RPL11: variants seen among roughly 807,000 people sequenced by gnomAD.
RPL11 encodes large ribosomal subunit protein uL5.
A neutral mutation model predicts 24.1 loss-of-function variants in RPL11; 3 were observed. That is an observed-to-expected ratio of 0.12 (90% CI 0.06 to 0.32). RPL11 has a LOEUF of 0.32. RPL11 is among the 10% of genes least tolerant of loss of function. The pLI, the probability that RPL11 is intolerant of heterozygous loss-of-function variation, is 1.00. For synonymous variants in RPL11, 96 were observed against 75.7 expected (o/e 1.27, Z -1.39); for missense variants, 146 against 225.7 (o/e 0.65, Z 2.26).
chr1:23,693,749 G>T, intron 2 of RPL11, 58 bp from the exon 3 acceptor site: 1 of 1,121,082 alleles, frequency 8.9e-7, no homozygotes, highest in Middle Eastern at 2.0e-4. Context: ...TTCTGGGAAA[G>T]AGGTGAGTGT....
At chr1:23,694,121 A>G (rs993507188) in intron 3 of RPL11, among the ~76,000 whole-genome samples, 1 of 152,156 alleles carries the variant, frequency 6.6e-6, no homozygotes, top group African/African-American at 2.4e-5. Context: ...AACGCCTGTA[A>G]TCCCAACACT....
At position 23,693,891 on chromosome 1, in the gene RPL11, A is replaced by C. The variant is rs1361833346; in HGVS notation, c.242A>C (p.Glu81Ala). 6.2e-7 allele frequency: 1 copy of C among 1,614,042 alleles called. No homozygotes were observed. The highest frequency in any genetic ancestry group is 8.5e-7 in the Non-Finnish European group (1 of 1,180,002). ...HCTVRGAKAE[E>A]ILEKGLKVRE... is the part of the protein sequence containing the mutation. ...ACAGTTCGAGGGGCCAAGGCAGAAG[A>C]AATCTTGGAGAAGGGTCTAAAGGTG... The change falls in exon 3 of 6, where the codon GAA becomes GCA. Residue 81 changes from glutamate to alanine, a missense_variant. Transcript: ENST00000643754.
chr1:23,695,943 T>C, intron 5 of RPL11, 35 bp downstream of exon 5: 1 of 1,545,282 alleles, frequency 6.5e-7, no homozygotes, highest in Non-Finnish European at 8.8e-7. Flanking sequence ...AGTGGTGGAA[T>C]GTGATGTTGG....
At chr1:23,695,070 A>G (rs1644525424) in intron 4 of RPL11, 11 of 468,898 alleles carry the variant, frequency 2.3e-5, no homozygotes, top group Non-Finnish European at 4.3e-5. Flanking sequence ...TGTTCCCTCC[A>G]GCCAGTGATT....
At position 23,694,679 on chromosome 1, in the gene RPL11, G is replaced by T; in HGVS notation, c.284G>T (p.Arg95Ile). The change falls in exon 4 of 6, where the codon AGA (arginine) becomes ATA (isoleucine). Residue 95 changes from arginine to isoleucine, a missense_variant. Coordinates refer to ENST00000643754, the MANE Select transcript of RPL11 (RefSeq NM_000975.5). Reference protein sequence around the residue: ...KGLKVREYELRKNNFSDTGNF... With the variant: ...KGLKVREYELIKNNFSDTGNF... The stretch of plus-strand genomic sequence containing the variant: ...CCACAGGTGCGGGAGTATGAGTTAA[G>T]AAAAAACAACTTCTCAGATACTGGA... 1 of 1,613,954 alleles carries T rather than the reference G, an allele frequency of 6.2e-7. No individual in the cohort carries two copies.
In RPL11 at chr1:23,694,378, C is replaced by CA. The variant is rs151292002; in HGVS notation, c.265-270dup. On this transcript the variant is annotated intron_variant, in intron 3 of 5. Coordinates refer to ENST00000643754, the MANE Select transcript of RPL11 (RefSeq NM_000975.5). Reference sequence around the variant, plus strand: ...AGGCCACAGAGTGAGACTCTTGTCTCAAAAAAAAAAAAGAAAAAGGATGCT... The same window carrying CA: ...AGGCCACAGAGTGAGACTCTTGTCTCAAAAAAAAAAAAAGAAAAAGGATGCT... Among the ~76,000 whole-genome samples the CA allele has an allele frequency of 5.1e-3, 691 of 134,328 alleles. 4 individuals are homozygous for CA. The highest frequency in any genetic ancestry group is 0.014 in the African/African-American group (496 of 36,560). 88.1% of individuals were successfully genotyped at this position (134,328 alleles called of 152,430 possible).
At position 23,692,655 on chromosome 1, in the gene RPL11, G is replaced by A. The variant is rs867038153; in HGVS notation, c.53G>A (p.Arg18His). ...AACCCCATGCGGGAACTTCGCATCC[G>A]CAAACTCTGTCTCAACATCTGTGTT... ...KENPMRELRI[R>H]KLCLNICVGE... The change falls in exon 2 of 6, where the codon CGC (arginine) becomes CAC (histidine). Residue 18 changes from arginine (R) to histidine (H), a missense_variant. Physicochemically the swap from Arg to His is conservative, Grantham distance 29 (BLOSUM62 0). Coordinates refer to ENST00000643754, the MANE Select transcript of RPL11 (RefSeq NM_000975.5). 1.9e-6 allele frequency: 3 copies of A among 1,614,130 alleles called. No homozygotes were observed. The highest frequency in any genetic ancestry group is 2.5e-6 in the Non-Finnish European group (3 of 1,180,028).
intron 2 of RPL11, among the ~76,000 whole-genome samples, chr1:23,693,231 ACT>A (rs998639505): frequency 1.3e-5 from 2 of 152,050 alleles, no homozygotes; most frequent in Admixed American, 1.3e-4. Context: ...TGCTGGTCTG[ACT>A]CTGGGCTCTC....
upstream of RPL11, chr1:23,691,793 G>A (rs754115804): frequency 5.0e-6 from 8 of 1,614,118 alleles, no homozygotes; most frequent in Middle Eastern, 3.3e-4. Context: ...CCCTCGGCCG[G>A]AAGCTCCGCT....
chr1:23,695,679 C>T (rs116329087), intron 4 of RPL11, 119 bp from the exon 5 acceptor site: 2 of 907,716 alleles, frequency 2.2e-6, no homozygotes, highest in African/African-American at 1.6e-5. Context: ...ATGGGTCTTG[C>T]TCCAGAATCC....
At chr1:23,693,110 G>A (rs1644511779) in intron 2 of RPL11, among the ~76,000 whole-genome samples, 1 of 152,144 alleles carries the variant, frequency 6.6e-6, no homozygotes, top group Non-Finnish European at 1.5e-5. Flanking sequence ...GGGCTGTACG[G>A]GAGCATGAGG....
In RPL11 at chr1:23,692,619, G is replaced by T. The variant is rs377575545; in HGVS notation, c.17G>T (p.Gly6Val). MAQDQ[G>V]EKENPMRELR... ...TCTTCCCTGTTGCAGCAGGATCAAG[G>T]TGAAAAGGAGAACCCCATGCGGGAA... The change falls in exon 2 of 6, where the codon GGT becomes GTT. Residue 6 changes from glycine (G) to valine (V), a missense_variant. Physicochemically the swap from Gly to Val is moderately radical, Grantham distance 109. Coordinates refer to ENST00000643754, the MANE Select transcript of RPL11 (RefSeq NM_000975.5). 6.2e-7 allele frequency: 1 copy of T among 1,614,166 alleles called. No homozygotes were observed. The highest frequency in any genetic ancestry group is 1.1e-5 in the South Asian group (1 of 91,082).
chr1:23,695,341 C>A, intron 4 of RPL11: 1 of 273,876 alleles, frequency 3.7e-6, no homozygotes, highest in Non-Finnish European at 7.1e-6. Flanking sequence ...ATTAGACAGA[C>A]AAGTAATAAG....
intron 3 of RPL11, 37 bp from the exon 4 acceptor site, chr1:23,694,623 A>G (rs938474010): frequency 2.5e-6 from 4 of 1,613,106 alleles, no homozygotes; most frequent in Non-Finnish European, 3.4e-6. Context: ...GGAGTTGAAG[A>G]TGACAAGGAA....
Position 23,696,693 on chromosome 1 carries a change from G to A in RPL11, c.*320G>A, listed in dbSNP as rs923953883. 6.6e-6 allele frequency: 3 copies of A among 453,634 alleles called. No individual in the cohort carries two copies. The highest frequency in any genetic ancestry group is 8.1e-6 in the Non-Finnish European group (2 of 245,998). The allele number at this position is 453,634 out of a possible 1,614,324, so 28.1% of individuals were successfully genotyped here. Reference sequence around the variant, plus strand: ...TTGAATTTAGAGCCTTGGTTAAGCAGGGTGCAGTGCTCCTGTGTTCCAGGA... The same window carrying A: ...TTGAATTTAGAGCCTTGGTTAAGCAAGGTGCAGTGCTCCTGTGTTCCAGGA... On this transcript the variant is annotated 3_prime_UTR_variant, in exon 6 of 6. Transcript: ENST00000643754.
Position 23,693,861 on chromosome 1 carries a change from A to C in RPL11, c.212A>C (p.His71Pro), listed in dbSNP as rs1059635. Residue 71 changes from histidine to proline, a missense_variant, in exon 3 of 6, where the codon CAC (histidine) becomes CCC (proline). His to Pro is a moderately conservative substitution (Grantham distance 77). Transcript: ENST00000643754. ...GIRRNEKIAV[H>P]CTVRGAKAEE... ...CGGAGAAATGAAAAGATTGCTGTCC[A>C]CTGCACAGTTCGAGGGGCCAAGGCA... The C allele has an allele frequency of 6.2e-7, 1 of 1,614,204 alleles. No homozygotes were observed.
chr1:23,694,559 G>C, intron 3 of RPL11, 101 bp from the exon 4 acceptor site: 1 of 1,516,410 alleles, frequency 6.6e-7, no homozygotes, highest in East Asian at 2.3e-5. Context: ...ACTTCTGTTT[G>C]CTCTGGGGTG....
At chr1:23,692,416 C>T in intron 1 of RPL11, 193 bp from the exon 2 acceptor site, 1 of 630,732 alleles carries the variant, frequency 1.6e-6, no homozygotes, top group Admixed American at 2.7e-5. Flanking sequence ...TCACCCGTTC[C>T]GTTCGTGGAG....
chr1:23,691,952 A>C (rs1644502366), intron 1 of RPL11, 123 bp downstream of exon 1: 16 of 1,280,720 alleles, frequency 1.2e-5, no homozygotes, highest in Non-Finnish European at 1.8e-5. Flanking sequence ...TGCTGGCCCA[A>C]AACTAGCAGA....
Sources: allele counts gnomAD v4.1 joint callset (sites outside exome capture counted in the v4.1 genomes callset), GRCh38; gene constraint gnomAD v4.1.1; transcripts MANE v1.5; gene names NCBI Gene and HGNC (gene_info 2026-07-23, HGNC 2026-07-21).